The following NNT variants were observed in gnomAD, a reference collection of about 807,000 sequenced individuals.
NNT encodes NAD(P) transhydrogenase, mitochondrial.
A neutral mutation model predicts 104.8 loss-of-function variants in NNT; 50 were observed. The ratio of observed to expected loss-of-function variants is 0.48; its 90% CI spans 0.38 to 0.60. The LOEUF (loss-of-function observed/expected upper bound fraction) is 0.60. Among genes scored for constraint, NNT ranks in the 20% least tolerant of loss-of-function variants. The probability of loss-of-function intolerance (pLI) is 0.00; values close to 1 mark genes in which losing one functional copy is unlikely to be tolerated. For synonymous variants in NNT, 461 were observed against 490.4 expected (o/e 0.94, Z 0.79); for missense variants, 1,131 against 1,330.7 (o/e 0.85, Z 2.33).
intron 16 of NNT, 142 bp from the exon 17 acceptor site, chr5:43,659,029 G>T (rs560376938): frequency 8.8e-5 from 63 of 718,784 alleles, no homozygotes; most frequent in Non-Finnish European, 1.2e-4. Context: ...TGGTCAGATG[G>T]GAGACACTTA....
intron 19 of NNT, among the ~76,000 whole-genome samples, chr5:43,688,877 A>T (rs1488074875): frequency 6.6e-6 from 1 of 152,210 alleles, no homozygotes. Flanking sequence ...TCTTTTTTGT[A>T]TAATGAATTC....
chr5:43,656,061 G>A lies in NNT; in HGVS notation c.2281G>A (p.Gly761Arg). The change falls in exon 15 of 22, where the codon GGA (glycine) becomes AGA (arginine). Residue 761 changes from glycine (G) to arginine (R), a missense_variant. Coordinates refer to ENST00000344920, the MANE Select transcript of NNT (RefSeq NM_182977.3). ...CTTTAGTGGGTCTCTCATTGCCTAT[G>A]GAAAATTGCAGGGTAAGTGATTCAG... ...VTFSGSLIAYGKLQGLLKSAP... is the reference protein window; with the variant it reads ...VTFSGSLIAYRKLQGLLKSAP... The A allele has an allele frequency of 1.2e-6, 2 of 1,613,574 alleles. No individual in the cohort carries two copies. Among genetic ancestry groups the A allele is most frequent in the Non-Finnish European group, 1.7e-6 (2 of 1,179,516 alleles).
chr5:43,677,281 G>A (rs1208924111), intron 18 of NNT, among the ~76,000 whole-genome samples: 2 of 152,108 alleles, frequency 1.3e-5, no homozygotes, highest in African/African-American at 4.8e-5. Context: ...ACTTATATAA[G>A]CGGAGAAAAG....
At chr5:43,693,799 G>A (rs556966238) in intron 19 of NNT, among the ~76,000 whole-genome samples, 1 of 152,208 alleles carries the variant, frequency 6.6e-6, no homozygotes, top group African/African-American at 2.4e-5. Context: ...CCTGCATTAA[G>A]ATGGTGAGGT....
Position 43,645,376 on chromosome 5 carries a change from C to T in NNT, c.1310C>T (p.Pro437Leu), listed in dbSNP as rs781183677. ...TATTAGGATGGTAAAGTGATTTTCC[C>T]AGCTCCCACACCGAAAAATATTCCT... ...VVMKDGKVIF[P>L]APTPKNIPQG... The change falls in exon 10 of 22, where the codon CCA becomes CTA. Residue 437 changes from proline to leucine, a missense_variant. Pro to Leu is a moderately conservative substitution (Grantham distance 98). Transcript: ENST00000344920. 1 of 1,548,258 alleles carries T rather than the reference C, an allele frequency of 6.5e-7. No individual in the cohort carries two copies. Among genetic ancestry groups the T allele is most frequent in the Non-Finnish European group, 8.7e-7 (1 of 1,146,046 alleles).
chr5:43,665,317 G>T (rs1740581641), intron 17 of NNT, among the ~76,000 whole-genome samples: 2 of 151,684 alleles, frequency 1.3e-5, no homozygotes, highest in Admixed American at 6.6e-5. Context: ...CAATAGTGGA[G>T]GGAAGGTCAG....
chr5:43,667,291 C>T (rs1740761446), intron 17 of NNT: 1 of 665,508 alleles, frequency 1.5e-6, no homozygotes, highest in Non-Finnish European at 2.6e-6. Flanking sequence ...TATTATTATA[C>T]TTTAAGTTCT....
chr5:43,625,607 C>T (rs954109208), intron 6 of NNT, among the ~76,000 whole-genome samples: 1 of 152,012 alleles, frequency 6.6e-6, no homozygotes, highest in African/African-American at 2.4e-5. Context: ...GTTAAATATC[C>T]TAAAAACTTA....
intron 20 of NNT, 53 bp downstream of exon 20, chr5:43,700,290 A>T (rs1561334330): frequency 1.5e-6 from 2 of 1,302,282 alleles, no homozygotes; most frequent in Non-Finnish European, 2.2e-6. Context: ...TGAATAAAGC[A>T]GTGCAGGTGT....
chr5:43,681,250 G>A (rs1580106514), intron 19 of NNT, among the ~76,000 whole-genome samples: 1 of 126,152 alleles, frequency 7.9e-6, no homozygotes, highest in African/African-American at 3.2e-5. Context: ...ACAGAGCGAG[G>A]CTCCTTCTCA....
intron 1 of NNT, among the ~76,000 whole-genome samples, chr5:43,607,369 T>C (rs1011944930): frequency 2.2e-4 from 34 of 152,314 alleles, no homozygotes; most frequent in African/African-American, 8.2e-4. Flanking sequence ...TCCTGGACAA[T>C]GAGTCTCAGG....
chr5:43,622,569 G>A (rs990237016), intron 5 of NNT, among the ~76,000 whole-genome samples: 3 of 152,126 alleles, frequency 2.0e-5, no homozygotes, highest in Non-Finnish European at 2.9e-5. Flanking sequence ...GCCTGGCCCC[G>A]TACTATTTCT....
rs1751377307 is a variant in NNT, at chr5:43,644,074, AAAGAGTTAAAATTTC to A, written c.965-116_965-102del. On this transcript the variant is annotated intron_variant, in intron 7 of 21. Transcript: ENST00000344920. ...GCTATGGTCTTTAGGGGTCTCTTGG[AAAGAGTTAAAATTTC>A]AGATGTTAAATTCCTGAATGCCCAG... is the stretch of plus-strand genomic sequence containing the variant. 3 of 952,658 alleles carry A rather than the reference AAAGAGTTAAAATTTC, an allele frequency of 3.1e-6. No individual in the cohort carries two copies. In the East Asian group the frequency reaches 7.6e-5, roughly 24 times the overall value. 59.0% of individuals were successfully genotyped at this position (952,658 alleles called of 1,614,324 possible).
intron 5 of NNT, among the ~76,000 whole-genome samples, chr5:43,622,870 T>G (rs1244163570): frequency 3.3e-5 from 5 of 152,050 alleles, no homozygotes; most frequent in African/African-American, 1.2e-4. Flanking sequence ...TTATGGTTTT[T>G]TTTTTTTTTT....
Position 43,616,073 on chromosome 5 carries a change from C to A in NNT, c.599+8C>A, listed in dbSNP as rs1351345676. On this transcript the variant is annotated splice_region_variant and intron_variant, in intron 4 of 21. Transcript: ENST00000344920. ...CATGGCCAACATTGCGGGGTAGGTT[C>A]TTTTCCATTTCAATTGAACAAAAGC... 1 of 1,608,924 alleles carries A rather than the reference C, an allele frequency of 6.2e-7. No individual in the cohort carries two copies. Among genetic ancestry groups the A allele is most frequent in the East Asian group, 2.2e-5 (1 of 44,836 alleles).
At chr5:43,665,484 G>A (rs1740595206) in intron 17 of NNT, among the ~76,000 whole-genome samples, 1 of 152,006 alleles carries the variant, frequency 6.6e-6, no homozygotes, top group Admixed American at 6.6e-5. Flanking sequence ...AGCACATCTT[G>A]CACCGCCCTT....
chr5:43,681,547 A>C (rs568350578), intron 19 of NNT, among the ~76,000 whole-genome samples: 1 of 152,000 alleles, frequency 6.6e-6, no homozygotes, highest in East Asian at 2.0e-4. Context: ...CTACAGGCGC[A>C]TACCACCACA....
intron 21 of NNT, among the ~76,000 whole-genome samples, chr5:43,703,297 C>T (rs1388156435): frequency 2.0e-5 from 3 of 152,184 alleles, no homozygotes; most frequent in Non-Finnish European, 2.9e-5. Flanking sequence ...TCCTCTGCCT[C>T]AGCAGTAGGC....
chr5:43,677,931 C>A, intron 19 of NNT, 125 bp downstream of exon 19: 2 of 690,080 alleles, frequency 2.9e-6, no homozygotes, highest in Non-Finnish European at 2.5e-6. Context: ...AATTAAAAAT[C>A]CATATATAAC....
Sources: allele counts gnomAD v4.1 joint callset (sites outside exome capture counted in the v4.1 genomes callset), GRCh38; gene constraint gnomAD v4.1.1; transcripts MANE v1.5; gene names NCBI Gene and HGNC (gene_info 2026-07-23, HGNC 2026-07-21).